The following DOCK7 variants were observed in gnomAD, a reference collection of about 807,000 sequenced individuals.
DOCK7 encodes dedicator of cytokinesis 7.
DOCK7 carries 138 observed loss-of-function variants against 271.0 expected under a neutral mutation model. The ratio of observed to expected loss-of-function variants is 0.51; its 90% CI spans 0.44 to 0.59. The LOEUF is 0.59. Among genes scored for constraint, DOCK7 ranks in the 20% least tolerant of loss-of-function variants. The pLI, the probability that DOCK7 is intolerant of heterozygous loss-of-function variation, is 0.00. For synonymous variants in DOCK7, 823 were observed against 876.1 expected, an observed-to-expected ratio of 0.94 and a Z score of 1.07; for missense variants, 2,066 against 2,592.4, an observed-to-expected ratio of 0.80 and a Z score of 4.41.
rs1458426077 is a variant in DOCK7, at chr1:62,489,006, A to G, written c.5421T>C (p.Ala1807=). ...VYKVLIPIHE[A]NRDAKKLSTI... ...TGGATAGTTTCTTTGCATCCCGATT[A>G]GCTTCATGAATAGGAATAAGTACTT... is the stretch of plus-strand genomic sequence containing the variant. The change falls in exon 42 of 50, where the codon GCT becomes GCC. Residue 1807 remains alanine, a synonymous_variant. Transcript: ENST00000635253. 1 of 1,613,226 alleles carries G rather than the reference A, an allele frequency of 6.2e-7. No homozygotes were observed.
intron 23 of DOCK7, among the ~76,000 whole-genome samples, chr1:62,544,422 TTTTTGC>T: frequency 6.6e-6 from 1 of 152,288 alleles, no homozygotes; most frequent in Non-Finnish European, 1.5e-5. Context: ...TTAAAATGGA[TTTTTGC>T]TTCTGGTATT....
intron 29 of DOCK7, among the ~76,000 whole-genome samples, chr1:62,532,493 G>A (rs1033765342): frequency 3.3e-5 from 5 of 152,016 alleles, no homozygotes; most frequent in African/African-American, 7.3e-5. Context: ...CACCATGTAC[G>A]GCTAATTAAA....
At chr1:62,589,471 T>A (rs1045014811) in intron 14 of DOCK7, among the ~76,000 whole-genome samples, 4 of 151,320 alleles carry the variant, frequency 2.6e-5, no homozygotes, top group African/African-American at 7.3e-5. Flanking sequence ...CAGACTCTTA[T>A]TTTTTTTTCC....
At chr1:62,590,607 T>C (rs1020984843) in intron 14 of DOCK7, among the ~76,000 whole-genome samples, 1 of 152,138 alleles carries the variant, frequency 6.6e-6, no homozygotes, top group African/African-American at 2.4e-5. Flanking sequence ...TAATGTAGTA[T>C]GATAAATGCT....
chr1:62,559,782 A>C (rs754378359), intron 19 of DOCK7, among the ~76,000 whole-genome samples: 1 of 152,148 alleles, frequency 6.6e-6, no homozygotes, highest in Non-Finnish European at 1.5e-5. Flanking sequence ...CCTGTTTACA[A>C]GTTTGGCCTT....
chr1:62,632,050 G>A (rs1277348409), intron 10 of DOCK7, among the ~76,000 whole-genome samples: 3 of 152,152 alleles, frequency 2.0e-5, no homozygotes, highest in Non-Finnish European at 4.4e-5. Context: ...ACATCAAGAG[G>A]TGGCCTGCAA....
At chr1:62,590,654 T>C (rs1303298579) in intron 14 of DOCK7, among the ~76,000 whole-genome samples, 2 of 151,964 alleles carry the variant, frequency 1.3e-5, no homozygotes, top group African/African-American at 4.8e-5. Context: ...GACAAGGACC[T>C]GGGATTAAAG....
At chr1:62,565,070 C>CA (rs1010702283) in intron 18 of DOCK7, among the ~76,000 whole-genome samples, 12 of 151,872 alleles carry the variant, frequency 7.9e-5, no homozygotes, top group African/African-American at 2.9e-4. Context: ...AGCCTACCAA[C>CA]AAAAAAAGTC....
At chr1:62,663,204 G>T in intron 1 of DOCK7, 74 bp from the exon 2 acceptor site, 31 of 885,738 alleles carry the variant, frequency 3.5e-5, no homozygotes, top group Middle Eastern at 2.4e-4. Flanking sequence ...ATGGAGGGAA[G>T]CTAAATACAT....
At chr1:62,670,021 C>G (rs1470847136) in intron 1 of DOCK7, among the ~76,000 whole-genome samples, 1 of 152,260 alleles carries the variant, frequency 6.6e-6, no homozygotes, top group Non-Finnish European at 1.5e-5. Flanking sequence ...CAATGGGGGA[C>G]TTAGCACCCG....
chr1:62,632,899 C>A (rs1305492145), intron 10 of DOCK7, among the ~76,000 whole-genome samples: 1 of 151,976 alleles, frequency 6.6e-6, no homozygotes, highest in Non-Finnish European at 1.5e-5. Context: ...ATCACTTGAA[C>A]CCAGGAAGCG....
intron 12 of DOCK7, among the ~76,000 whole-genome samples, chr1:62,622,093 G>GCT (rs1396688735): frequency 1.3e-5 from 2 of 152,084 alleles, no homozygotes; most frequent in East Asian, 1.9e-4. Context: ...AATTTAGTTT[G>GCT]CTCTCTCTCT....
At chr1:62,476,044 C>A in intron 45 of DOCK7, 23 bp downstream of exon 45, 1 of 1,600,362 alleles carries the variant, frequency 6.2e-7, no homozygotes, top group South Asian at 1.1e-5. Flanking sequence ...GTCTATATGT[C>A]ATTATAGTCG....
intron 7 of DOCK7, among the ~76,000 whole-genome samples, chr1:62,644,916 AT>A (rs1317935838): frequency 5.9e-5 from 9 of 152,308 alleles, no homozygotes; most frequent in African/African-American, 1.7e-4. Context: ...GTACAAAAAA[AT>A]CATTCTATAT....
intron 4 of DOCK7, among the ~76,000 whole-genome samples, chr1:62,652,303 T>G (rs1246625023): frequency 6.6e-6 from 1 of 152,170 alleles, no homozygotes; most frequent in African/African-American, 2.4e-5. Flanking sequence ...CTATCTTCTT[T>G]GTTTCAGAGA....
At chr1:62,604,454 A>C in intron 14 of DOCK7, 1 of 901,512 alleles carries the variant, frequency 1.1e-6, no homozygotes, top group East Asian at 2.6e-5. Flanking sequence ...TTGGTAGTGT[A>C]TAGATTATTT....
At chr1:62,470,214 C>T (rs190071746) in intron 48 of DOCK7, among the ~76,000 whole-genome samples, 60 of 152,160 alleles carry the variant, frequency 3.9e-4, no homozygotes, top group African/African-American at 1.2e-3. Flanking sequence ...TGTATACATA[C>T]GATGGAATAT....
At position 62,543,695 on chromosome 1, in the gene DOCK7, A is replaced by G; in HGVS notation, c.2910T>C (p.Ser970=). Residue 970 remains serine (S), a synonymous_variant, in exon 24 of 50, where the codon AGT becomes AGC. Coordinates refer to ENST00000635253, the MANE Select transcript of DOCK7 (RefSeq NM_001367561.1). ...AGCGTCCCGTTAATGTTTGTAAGAA[A>G]CTTGACGTCTCTGTGTGCGAAGACA... ...NRMSSHTETS[S]FLQTLTGRLP... is the part of the protein sequence containing the mutation. The G allele has an allele frequency of 6.2e-7, 1 of 1,605,100 alleles. No individual in the cohort carries two copies. Among genetic ancestry groups the G allele is most frequent in the Non-Finnish European group, 8.5e-7 (1 of 1,173,418 alleles).
At position 62,535,603 on chromosome 1, in the gene DOCK7, G is replaced by A. The variant is rs769995427; in HGVS notation, c.3501C>T (p.Asp1167=). 14 of 1,613,870 alleles carry A rather than the reference G, an allele frequency of 8.7e-6. 1 individual carries two copies. The South Asian group carries it at 1.3e-4, about 15-fold the overall frequency. ...ATTCAAACATATTTGCAATCTTTTGGTCTTGTACATTCGTAGAAAATCCAG... is the reference window on the plus strand; with the variant it reads ...ATTCAAACATATTTGCAATCTTTTGATCTTGTACATTCGTAGAAAATCCAG... ...QSSGFSTNVQ[D]QKIANMFELS... is the part of the protein sequence containing the mutation. Residue 1167 remains aspartate, a synonymous_variant, in exon 29 of 50, where the codon GAC becomes GAT. Coordinates refer to ENST00000635253, the MANE Select transcript of DOCK7 (RefSeq NM_001367561.1).
Sources: gnomAD v4.1 joint callset for allele counts (sites outside exome capture counted in the v4.1 genomes callset) on GRCh38, gnomAD v4.1.1 for gene constraint, MANE v1.5 for transcripts, NCBI Gene and HGNC (gene_info 2026-07-23, HGNC 2026-07-21) for gene names.